STAG1: variants seen among roughly 807,000 people sequenced by gnomAD.
STAG1 encodes cohesin subunit SA-1.
STAG1 carries 26 observed loss-of-function variants against 170.9 expected under a neutral mutation model. The observed-to-expected ratio is 0.15, with a 90% CI of 0.11 to 0.21. STAG1 has a LOEUF of 0.21. STAG1 is among the 10% of genes least tolerant of loss of function. The probability of loss-of-function intolerance (pLI) is 1.00; values close to 1 mark genes in which losing one functional copy is unlikely to be tolerated. For missense variants in STAG1, 964 were observed against 1,509.5 expected, an observed-to-expected ratio of 0.64 and a Z score of 5.99; for synonymous variants, 514 against 497.7, an observed-to-expected ratio of 1.03 and a Z score of -0.44.
chr3:136,723,340 C>T (rs1459739664), intron 1 of STAG1, among the ~76,000 whole-genome samples: 4 of 150,382 alleles, frequency 2.7e-5, no homozygotes, highest in Admixed American at 6.6e-5. Context: ...GCCTCTGCCC[C>T]GCCGCCCCGT....
chr3:136,484,440 G>A (rs1363794084), intron 9 of STAG1, among the ~76,000 whole-genome samples: 18 of 148,004 alleles, frequency 1.2e-4, no homozygotes, highest in African/African-American at 3.7e-4. Flanking sequence ...CCCGTTCTCA[G>A]ATCTCCAGCT....
intron 23 of STAG1, among the ~76,000 whole-genome samples, chr3:136,371,708 G>C (rs376620535): frequency 6.6e-6 from 1 of 152,032 alleles, no homozygotes; most frequent in African/African-American, 2.4e-5. Context: ...CTGTTCCATT[G>C]GTCTATATCT....
intron 1 of STAG1, among the ~76,000 whole-genome samples, chr3:136,715,026 T>C (rs1362259464): frequency 2.4e-5 from 3 of 122,936 alleles, no homozygotes; most frequent in East Asian, 2.1e-4. Context: ...AATATATATA[T>C]AAAATAAAAG....
chr3:136,680,652 CA>C (rs989954248), intron 1 of STAG1, among the ~76,000 whole-genome samples: 1 of 151,658 alleles, frequency 6.6e-6, no homozygotes, highest in African/African-American at 2.4e-5. Context: ...TAATTTTAAG[CA>C]GATACATCAA....
chr3:136,345,495 A>G (rs1471149466), intron 29 of STAG1, among the ~76,000 whole-genome samples: 4 of 92,500 alleles, frequency 4.3e-5, no homozygotes, highest in African/African-American at 1.5e-4. Context: ...GGGTTTTGCT[A>G]TGTTGCCTAG....
intron 1 of STAG1, among the ~76,000 whole-genome samples, chr3:136,692,313 CAAAAAAAAAAAAAA>C (rs71157399): frequency 2.2e-5 from 1 of 46,236 alleles, no homozygotes. Flanking sequence ...GACTCCATCT[CAAAAAAAAAAAAAA>C]AAAAAAAAAA....
intron 24 of STAG1, among the ~76,000 whole-genome samples, chr3:136,368,716 GA>G (rs1309293262): frequency 6.6e-6 from 1 of 152,148 alleles, no homozygotes; most frequent in Non-Finnish European, 1.5e-5. Flanking sequence ...AGCTGTTAGA[GA>G]AAGACAGAGC....
At chr3:136,475,526 T>G (rs959901962) in intron 10 of STAG1, among the ~76,000 whole-genome samples, 1 of 152,060 alleles carries the variant, frequency 6.6e-6, no homozygotes, top group East Asian at 1.9e-4. Context: ...ATCCAGGGAA[T>G]GTGATCTATG....
intron 1 of STAG1, among the ~76,000 whole-genome samples, chr3:136,744,606 C>A (rs1426778365): frequency 6.6e-6 from 1 of 151,000 alleles, no homozygotes; most frequent in African/African-American, 2.4e-5. Flanking sequence ...AATGAGATTA[C>A]AATTCAATGC....
chr3:136,691,847 CAAGT>C (rs1942733034), intron 1 of STAG1, among the ~76,000 whole-genome samples: 1 of 152,188 alleles, frequency 6.6e-6, no homozygotes, highest in Admixed American at 6.6e-5. Context: ...ATAGTAAGGA[CAAGT>C]CCCGGGGAAA....
intron 22 of STAG1, among the ~76,000 whole-genome samples, chr3:136,396,549 A>G (rs2087165401): frequency 3.4e-4 from 11 of 32,210 alleles, no homozygotes; most frequent in East Asian, 1.2e-3. Context: ...TTTTTTTTGG[A>G]GACAGTCTCG....
intron 21 of STAG1, among the ~76,000 whole-genome samples, chr3:136,416,541 A>C (rs2087777770): frequency 1.3e-5 from 2 of 152,240 alleles, no homozygotes; most frequent in Non-Finnish European, 2.9e-5. Context: ...TCCCTGGAGA[A>C]AATGGAGAAA....
chr3:136,646,655 C>T (rs1941026581), intron 1 of STAG1, among the ~76,000 whole-genome samples: 1 of 152,100 alleles, frequency 6.6e-6, no homozygotes, highest in South Asian at 2.1e-4. Flanking sequence ...CACCTGTAAT[C>T]CCAGCACTTT....
chr3:136,604,216 G>C, intron 4 of STAG1, 93 bp downstream of exon 4: 2 of 1,135,440 alleles, frequency 1.8e-6, no homozygotes, highest in Non-Finnish European at 1.2e-6. Flanking sequence ...ATAATCAACA[G>C]AAGTATATAA....
chr3:136,642,519 G>GA (rs1940843474), intron 1 of STAG1, among the ~76,000 whole-genome samples: 1 of 151,868 alleles, frequency 6.6e-6, no homozygotes, highest in Non-Finnish European at 1.5e-5. Flanking sequence ...ACCCGCCTCG[G>GA]CCTCCCAACA....
intron 1 of STAG1, among the ~76,000 whole-genome samples, chr3:136,643,533 G>C (rs1405088934): frequency 6.6e-6 from 1 of 152,208 alleles, no homozygotes; most frequent in Non-Finnish European, 1.5e-5. Flanking sequence ...TTTTGAGAAA[G>C]AGTCTGGCTC....
intron 1 of STAG1, among the ~76,000 whole-genome samples, chr3:136,710,013 C>A (rs1028223092): frequency 6.6e-6 from 1 of 152,124 alleles, no homozygotes; most frequent in African/African-American, 2.4e-5. Flanking sequence ...CCAGCCTGGG[C>A]AACAGAGTGA....
intron 1 of STAG1, among the ~76,000 whole-genome samples, chr3:136,650,585 A>C (rs1941184065): frequency 6.6e-6 from 1 of 152,218 alleles, no homozygotes. Context: ...GGGCCTACCC[A>C]AATTGTAAAA....
chr3:136,578,798 C>T (rs543850263), intron 4 of STAG1, among the ~76,000 whole-genome samples: 1 of 152,322 alleles, frequency 6.6e-6, no homozygotes, highest in African/African-American at 2.4e-5. Context: ...GGGACCACCA[C>T]TGACCCACCC....
Sources: allele counts gnomAD v4.1 joint callset (sites outside exome capture counted in the v4.1 genomes callset), GRCh38; gene constraint gnomAD v4.1.1; transcripts MANE v1.5; gene names NCBI Gene and HGNC (gene_info 2026-07-23, HGNC 2026-07-21).